SPIN1: variants seen among roughly 807,000 people sequenced by gnomAD.
SPIN1 encodes spindlin 1, also known as spindlin-1.
Under a neutral mutation model 26.0 loss-of-function variants are expected in SPIN1, and 3 were observed. The observed-to-expected ratio is 0.12, with a 90% CI of 0.05 to 0.30. SPIN1 has a LOEUF of 0.30. Among genes scored for constraint, SPIN1 ranks in the 10% least tolerant of loss-of-function variants. The pLI is 1.00. For synonymous variants in SPIN1, 101 were observed against 116.5 expected (o/e 0.87, Z 0.86); for missense variants, 126 against 333.4 (o/e 0.38, Z 4.84).
chr9:88,436,269 T>C (rs12344848), intron 2 of SPIN1, among the ~76,000 whole-genome samples: 7,882 of 152,288 alleles, frequency 0.052, 664 homozygotes, highest in African/African-American at 0.18. Flanking sequence ...AGAATAATTT[T>C]AGACTAACAG....
intron 1 of SPIN1, among the ~76,000 whole-genome samples, chr9:88,392,587 T>A (rs1439674640): frequency 1.3e-5 from 2 of 152,036 alleles, no homozygotes; most frequent in African/African-American, 4.8e-5. Flanking sequence ...TCTCCTCTCC[T>A]CTCTTCTCCT....
intron 4 of SPIN1, among the ~76,000 whole-genome samples, chr9:88,464,021 G>T (rs1250016926): frequency 6.6e-6 from 1 of 152,258 alleles, no homozygotes; most frequent in East Asian, 1.9e-4. Flanking sequence ...GTGGTTGTTG[G>T]TCCTTTTGTC....
chr9:88,423,437 T>C (rs1827709105), intron 1 of SPIN1, among the ~76,000 whole-genome samples: 1 of 131,090 alleles, frequency 7.6e-6, no homozygotes, highest in African/African-American at 4.4e-5. Flanking sequence ...GTGGGTTTTT[T>C]GTTTGTTTGT....
In SPIN1 at chr9:88,477,342, G is replaced by A. The variant is rs1828906979; in HGVS notation, c.*2065G>A. 1 of 152,174 alleles carries A rather than the reference G, an allele frequency of 6.6e-6. No homozygotes were observed. The highest frequency in any genetic ancestry group is 1.5e-5 in the Non-Finnish European group (1 of 68,034). The allele number at this position is 152,174 out of a possible 1,614,324, so 9.4% of individuals were successfully genotyped here. A position where few individuals can be genotyped will look rare whatever the true frequency, so the allele number is the denominator to read the frequency against. ...TAAAGTACATTTTGAAGTATCTTGA[G>A]GGTTGGGTCAATTGAGACATTTCTA... is the stretch of plus-strand genomic sequence containing the variant. On this transcript the variant is annotated 3_prime_UTR_variant, in exon 6 of 6. Coordinates refer to ENST00000375859, the MANE Select transcript of SPIN1 (RefSeq NM_006717.3).
chr9:88,427,245 A>G (rs2118026387), intron 2 of SPIN1, among the ~76,000 whole-genome samples: 1 of 152,326 alleles, frequency 6.6e-6, no homozygotes, highest in African/African-American at 2.4e-5. Context: ...TGACAAATGA[A>G]TCAGAATTAT....
intron 2 of SPIN1, among the ~76,000 whole-genome samples, chr9:88,443,634 A>C (rs1828184817): frequency 6.6e-6 from 1 of 152,124 alleles, no homozygotes; most frequent in African/African-American, 2.4e-5. Flanking sequence ...TTTCTTGTTG[A>C]AAGGCGCAGA....
intron 1 of SPIN1, among the ~76,000 whole-genome samples, chr9:88,402,050 G>C: frequency 6.6e-6 from 1 of 152,120 alleles, no homozygotes. Flanking sequence ...GAGTGCGGCG[G>C]TGCGATCTTG....
intron 2 of SPIN1, among the ~76,000 whole-genome samples, chr9:88,427,594 C>A (rs995513435): frequency 3.3e-5 from 5 of 151,274 alleles, no homozygotes; most frequent in Non-Finnish European, 5.9e-5. Flanking sequence ...CTTTTTTTTT[C>A]TTTTTCTCTC....
rs528366942 is a variant in SPIN1 at position 88,434,323 on chromosome 9, T to A, written c.52+7732T>A. Reference sequence around the variant, plus strand: ...TAGTTTATTTTATAATTTATAAAATTATTTTACAAATTATAAAATAGTTTA... The same window carrying A: ...TAGTTTATTTTATAATTTATAAAATAATTTTACAAATTATAAAATAGTTTA... On this transcript the variant is annotated intron_variant, in intron 2 of 5. Transcript: ENST00000375859. 9.6e-3 allele frequency among the ~76,000 whole-genome samples: 1,442 copies of A among 150,980 alleles called. 21 individuals carry two copies. The highest frequency in any genetic ancestry group is 0.033 in the African/African-American group (1,369 of 41,308).
At chr9:88,444,535 G>A (rs1428172143) in intron 2 of SPIN1, among the ~76,000 whole-genome samples, 1 of 149,608 alleles carries the variant, frequency 6.7e-6, no homozygotes, top group Non-Finnish European at 1.5e-5. Context: ...GAGCCACCGC[G>A]CCCGGCCCCC....
At chr9:88,469,628 C>T (rs1234798397) in intron 5 of SPIN1, among the ~76,000 whole-genome samples, 2 of 152,162 alleles carry the variant, frequency 1.3e-5, no homozygotes, top group Non-Finnish European at 2.9e-5. Flanking sequence ...GAGTCTTCTG[C>T]CCCAGCCTCC....
intron 5 of SPIN1, among the ~76,000 whole-genome samples, chr9:88,474,328 G>A (rs950765033): frequency 1.3e-5 from 2 of 152,004 alleles, no homozygotes; most frequent in African/African-American, 4.8e-5. Flanking sequence ...TGGTGGTGAT[G>A]GTTTGCTGTT....
chr9:88,418,719 T>G (rs902773871), intron 1 of SPIN1: 1 of 152,224 alleles, frequency 6.6e-6, no homozygotes, highest in East Asian at 1.9e-4. Context: ...TACATTGTCA[T>G]TGATTTCTTG....
At chr9:88,472,505 A>G (rs1313388513) in intron 5 of SPIN1, among the ~76,000 whole-genome samples, 1 of 151,562 alleles carries the variant, frequency 6.6e-6, no homozygotes, top group Non-Finnish European at 1.5e-5. Flanking sequence ...TTATTTATTT[A>G]TTTTTTGAGA....
chr9:88,442,529 G>T (rs1009091367), intron 2 of SPIN1, among the ~76,000 whole-genome samples: 5 of 151,078 alleles, frequency 3.3e-5, no homozygotes, highest in Admixed American at 3.3e-4. Context: ...TCAGCCTCCC[G>T]AGTAGCTGGG....
chr9:88,399,514 G>A (rs1002827930), intron 1 of SPIN1, among the ~76,000 whole-genome samples: 1 of 152,146 alleles, frequency 6.6e-6, no homozygotes, highest in Admixed American at 6.5e-5. Context: ...TTGTGTGGGT[G>A]GCCTGTAAGA....
At position 88,434,197 on chromosome 9, in the gene SPIN1, C is replaced by T. The variant is rs542640639; in HGVS notation, c.52+7606C>T. On this transcript the variant is annotated intron_variant, in intron 2 of 5. Transcript: ENST00000375859. The stretch of plus-strand genomic sequence containing the variant: ...TAAAATAGTTGGTCTTACTTTGGAA[C>T]ATGTGCCTGAGTAAGCCTCTGTGAG... Among the ~76,000 whole-genome samples the T allele has an allele frequency of 2.1e-4, 32 of 152,192 alleles. No individual in the cohort carries two copies. In the South Asian group the frequency reaches 6.6e-3, roughly 32 times the overall value.
chr9:88,427,123 T>G (rs1827778112), intron 2 of SPIN1, among the ~76,000 whole-genome samples: 1 of 152,190 alleles, frequency 6.6e-6, no homozygotes, highest in East Asian at 1.9e-4. Flanking sequence ...AACAAAATCT[T>G]ATAGAATACC....
chr9:88,435,389 AT>A (rs1477368424), intron 2 of SPIN1, among the ~76,000 whole-genome samples: 1 of 151,614 alleles, frequency 6.6e-6, no homozygotes, highest in Non-Finnish European at 1.5e-5. Context: ...TAATTTTTGA[AT>A]TTTTTAGGGT....
Sources: allele counts gnomAD v4.1 joint callset (sites outside exome capture counted in the v4.1 genomes callset), GRCh38; gene constraint gnomAD v4.1.1; transcripts MANE v1.5; gene names NCBI Gene and HGNC (gene_info 2026-07-23, HGNC 2026-07-21).